Variants in IGSF5 observed in about 807,000 individuals in gnomAD.
IGSF5 encodes the protein immunoglobulin superfamily 5 like.
A neutral mutation model predicts 39.4 loss-of-function variants in IGSF5; 41 were observed. The observed-to-expected ratio is 1.04, with a 90% confidence interval of 0.81 to 1.35. The LOEUF (loss-of-function observed/expected upper bound fraction) is 1.35. Among genes scored for constraint, IGSF5 ranks in the 40% most tolerant of loss-of-function variants. IGSF5 has a pLI of 0.00. For synonymous variants in IGSF5, 183 were observed against 175.3 expected, an observed-to-expected ratio of 1.04 and a Z score of -0.34; for missense variants, 487 against 494.6, an observed-to-expected ratio of 0.98 and a Z score of 0.15.
At chr21:39,799,922 C>A (rs1046370416) in intron 8 of IGSF5, among the ~76,000 whole-genome samples, 13 of 152,102 alleles carry the variant, frequency 8.5e-5, no homozygotes, top group African/African-American at 3.1e-4. Flanking sequence ...CTGTCATATA[C>A]AATATGACAA....
At chr21:39,764,787 G>T (rs985135491) in intron 2 of IGSF5, among the ~76,000 whole-genome samples, 1 of 152,232 alleles carries the variant, frequency 6.6e-6, no homozygotes, top group Non-Finnish European at 1.5e-5. Context: ...CAGTGTCACT[G>T]ATGGGGTGGG....
chr21:39,747,008 C>A (rs1013916474), intron 2 of IGSF5, among the ~76,000 whole-genome samples: 1 of 152,204 alleles, frequency 6.6e-6, no homozygotes, highest in African/African-American at 2.4e-5. Context: ...GTTGCTTTCT[C>A]CTGCCTAGGC....
the IGSF5 span, among the ~76,000 whole-genome samples, chr21:39,724,251 G>A: frequency 6.6e-6 from 1 of 152,052 alleles, no homozygotes; most frequent in Non-Finnish European, 1.5e-5. Flanking sequence ...GTGCAACAAT[G>A]TACCCAGCTA....
At chr21:39,796,441 C>A (rs971695248) in intron 8 of IGSF5, among the ~76,000 whole-genome samples, 1 of 152,184 alleles carries the variant, frequency 6.6e-6, no homozygotes, top group Non-Finnish European at 1.5e-5. Flanking sequence ...TGCAGTCGTG[C>A]CTTCTTTTCT....
chr21:39,726,959 G>C, the IGSF5 span, among the ~76,000 whole-genome samples: 1 of 152,186 alleles, frequency 6.6e-6, no homozygotes, highest in East Asian at 1.9e-4. Context: ...GCCATTGATG[G>C]CTCAGCAAAG....
At chr21:39,774,234 C>T (rs1046097091) in intron 4 of IGSF5, among the ~76,000 whole-genome samples, 3 of 152,284 alleles carry the variant, frequency 2.0e-5, no homozygotes, top group East Asian at 1.9e-4. Flanking sequence ...CCTTGGTTGG[C>T]GGAGCTGGTG....
the IGSF5 span, among the ~76,000 whole-genome samples, chr21:39,730,836 C>T: frequency 6.6e-6 from 1 of 152,122 alleles, no homozygotes; most frequent in Non-Finnish European, 1.5e-5. Flanking sequence ...CGTTCAAGGC[C>T]CCTTTGAGTT....
At chr21:39,755,202 A>C (rs939213079) in intron 2 of IGSF5, among the ~76,000 whole-genome samples, 4 of 152,282 alleles carry the variant, frequency 2.6e-5, no homozygotes, top group Middle Eastern at 3.4e-3. Flanking sequence ...AATTTTTTAT[A>C]ACTGGACGAC....
intron 2 of IGSF5, among the ~76,000 whole-genome samples, chr21:39,747,197 A>G (rs567284785): frequency 5.3e-5 from 8 of 152,334 alleles, no homozygotes; most frequent in African/African-American, 1.9e-4. Flanking sequence ...CCGAAGGTGA[A>G]AGGCACTTCT....
chr21:39,733,159 A>T, the IGSF5 span, among the ~76,000 whole-genome samples: 1 of 152,206 alleles, frequency 6.6e-6, no homozygotes, highest in African/African-American at 2.4e-5. Flanking sequence ...TCATCTCAGT[A>T]TTATTTGCAA....
rs1206259078 is a variant in IGSF5 at position 39,788,042 on chromosome 21, G to T, written c.935-125G>T. ...ATTTGGTATGGGAAAACTTAATAAT[G>T]CTCCTTGGGTCACAAATACTAATGT... On this transcript the variant is annotated intron_variant, in intron 5 of 8. Transcript: ENST00000380588. 3 of 699,504 alleles carry T rather than the reference G, an allele frequency of 4.3e-6. No homozygotes were observed. In the African/African-American group the frequency reaches 5.4e-5, roughly 13 times the overall value. 43.3% of individuals were successfully genotyped at this position (699,504 alleles called of 1,614,324 possible). A position where few individuals can be genotyped will look rare whatever the true frequency, so the allele number is the denominator to read the frequency against.
chr21:39,723,050 C>T, the IGSF5 span, among the ~76,000 whole-genome samples: 9,838 of 152,206 alleles, frequency 0.065, 586 homozygotes, highest in East Asian at 0.24. Context: ...AACAAATTGC[C>T]GCAAAAGCAG....
intron 3 of IGSF5, among the ~76,000 whole-genome samples, chr21:39,766,350 G>T (rs1238220154): frequency 1.3e-5 from 2 of 152,164 alleles, no homozygotes; most frequent in African/African-American, 4.8e-5. Flanking sequence ...AGGGCCAGTT[G>T]CAGTCATTTT....
intron 8 of IGSF5, among the ~76,000 whole-genome samples, chr21:39,799,102 C>T (rs572331126): frequency 6.6e-6 from 1 of 152,292 alleles, no homozygotes; most frequent in African/African-American, 2.4e-5. Context: ...GGTCCCCAGG[C>T]TGCCTGGAGC....
At chr21:39,718,040 T>A in the IGSF5 span, among the ~76,000 whole-genome samples, 1 of 152,182 alleles carries the variant, frequency 6.6e-6, no homozygotes, top group Non-Finnish European at 1.5e-5. Flanking sequence ...TTTATAATTC[T>A]CATTGTAGAG....
At chr21:39,713,388 G>A in the IGSF5 span, among the ~76,000 whole-genome samples, 1 of 152,200 alleles carries the variant, frequency 6.6e-6, no homozygotes, top group Non-Finnish European at 1.5e-5. Context: ...GGTCCTTGTT[G>A]CCATGGTTAG....
At chr21:39,761,349 A>G (rs1571711) in intron 2 of IGSF5, among the ~76,000 whole-genome samples, 122,956 of 152,178 alleles carry the variant, frequency 0.81, 49,847 homozygotes, top group Admixed American at 0.85. Context: ...CTTTGGCGAA[A>G]AATTTATGGC....
intron 2 of IGSF5, among the ~76,000 whole-genome samples, chr21:39,754,076 T>C (rs1420325183): frequency 2.6e-5 from 4 of 152,194 alleles, no homozygotes; most frequent in African/African-American, 9.6e-5. Flanking sequence ...GTGTTATTGT[T>C]TTATAGACCC....
intron 4 of IGSF5, among the ~76,000 whole-genome samples, chr21:39,777,109 C>T (rs1290393035): frequency 6.6e-6 from 1 of 152,194 alleles, no homozygotes; most frequent in Non-Finnish European, 1.5e-5. Flanking sequence ...TTCACTGGTT[C>T]CATCCACAGG....
Sources: gnomAD v4.1 joint callset for allele counts (sites outside exome capture counted in the v4.1 genomes callset) on GRCh38, gnomAD v4.1.1 for gene constraint, MANE v1.5 for transcripts, NCBI Gene and HGNC (gene_info 2026-07-23, HGNC 2026-07-21) for gene names.